QDPR: variants seen among roughly 807,000 people sequenced by gnomAD.
QDPR encodes the protein dihydropteridine reductase.
A neutral mutation model predicts 31.7 loss-of-function variants in QDPR; 23 were observed. The observed-to-expected ratio is 0.73, with a 90% CI of 0.52 to 1.03. QDPR has a LOEUF of 1.03. Ranked by LOEUF, QDPR falls within the 50% of genes least tolerant of loss-of-function variation. The pLI is 0.00. For synonymous variants in QDPR, 124 were observed against 124.7 expected, an observed-to-expected ratio of 0.99 and a Z score of 0.03; for missense variants, 324 against 323.8, an observed-to-expected ratio of 1.00 and a Z score of 0.00.
At chr4:17,501,912 T>C in intron 3 of QDPR, 53 bp from the exon 4 acceptor site, 3 of 1,611,504 alleles carry the variant, frequency 1.9e-6, no homozygotes, top group Non-Finnish European at 2.5e-6. Flanking sequence ...AACCAAAAGG[T>C]GAGCTCAACT....
At chr4:17,507,003 C>G (rs1375279941) in intron 2 of QDPR, among the ~76,000 whole-genome samples, 3 of 152,190 alleles carry the variant, frequency 2.0e-5, no homozygotes, top group Non-Finnish European at 4.4e-5. Flanking sequence ...TATGGTAGAA[C>G]TATAAATGAT....
intron 5 of QDPR, among the ~76,000 whole-genome samples, chr4:17,491,116 ATT>A (rs768953380): frequency 1.3e-5 from 2 of 152,216 alleles, no homozygotes; most frequent in Admixed American, 6.5e-5. Flanking sequence ...ATTTCTAAGG[ATT>A]TAAGATAGTT....
chr4:17,503,740 A>T (rs1475714433), intron 3 of QDPR, among the ~76,000 whole-genome samples: 1 of 152,212 alleles, frequency 6.6e-6, no homozygotes, highest in Non-Finnish European at 1.5e-5. Context: ...ACCTGAGGTC[A>T]GGAGTTCAAG....
intron 2 of QDPR, among the ~76,000 whole-genome samples, chr4:17,504,879 T>C (rs1203449147): frequency 6.6e-6 from 1 of 152,038 alleles, no homozygotes; most frequent in East Asian, 1.9e-4. Flanking sequence ...AGAATTATAA[T>C]CCAAAAAGAA....
chr4:17,490,333 G>A (rs1043729663), intron 6 of QDPR: 4 of 362,386 alleles, frequency 1.1e-5, no homozygotes, highest in Non-Finnish European at 1.6e-5. Flanking sequence ...ACACTATCAC[G>A]TTTAATCCTA....
At chr4:17,500,391 A>G (rs1039772445) in intron 4 of QDPR, among the ~76,000 whole-genome samples, 11 of 152,200 alleles carry the variant, frequency 7.2e-5, no homozygotes, top group Non-Finnish European at 1.0e-4. Flanking sequence ...GGGCTGAAAT[A>G]GATCCCCCCA....
intron 3 of QDPR, among the ~76,000 whole-genome samples, chr4:17,502,375 C>A (rs1251481936): frequency 6.6e-6 from 1 of 152,118 alleles, no homozygotes; most frequent in African/African-American, 2.4e-5. Context: ...TTTAACTCCC[C>A]GGCCTTGCCA....
chr4:17,496,255 GA>G (rs1208393663), intron 4 of QDPR, among the ~76,000 whole-genome samples: 2 of 151,654 alleles, frequency 1.3e-5, no homozygotes, highest in Non-Finnish European at 2.9e-5. Context: ...AGACCAGCCT[GA>G]CCAACGTGGG....
At chr4:17,499,637 G>A (rs1345844003) in intron 4 of QDPR, among the ~76,000 whole-genome samples, 2 of 149,916 alleles carry the variant, frequency 1.3e-5, no homozygotes, top group Admixed American at 6.7e-5. Context: ...AATTGAGAAG[G>A]GGCCTGGCGT....
intron 6 of QDPR, among the ~76,000 whole-genome samples, chr4:17,488,215 C>T (rs4083729): frequency 1.9e-4 from 28 of 151,300 alleles, no homozygotes; most frequent in African/African-American, 6.1e-4. Context: ...AAGCCATGAT[C>T]GTGACACTGC....
intron 4 of QDPR, among the ~76,000 whole-genome samples, chr4:17,496,193 C>T (rs1668874531): frequency 6.6e-6 from 1 of 151,814 alleles, no homozygotes; most frequent in Non-Finnish European, 1.5e-5. Context: ...CGCCTGTAAT[C>T]CCAGCACTTT....
At chr4:17,492,753 G>A (rs1250940482) in intron 4 of QDPR, among the ~76,000 whole-genome samples, 1 of 152,186 alleles carries the variant, frequency 6.6e-6, no homozygotes, top group African/African-American at 2.4e-5. Context: ...AAGCCAGAAG[G>A]TTGATCTTAT....
intron 2 of QDPR, among the ~76,000 whole-genome samples, chr4:17,508,993 C>A (rs1015170862): frequency 6.6e-6 from 1 of 152,034 alleles, no homozygotes; most frequent in Non-Finnish European, 1.5e-5. Flanking sequence ...CCCGTCTCTA[C>A]TGAAAATACA....
chr4:17,507,040 T>C (rs1011288561), intron 2 of QDPR, among the ~76,000 whole-genome samples: 8 of 152,234 alleles, frequency 5.3e-5, no homozygotes, highest in African/African-American at 1.9e-4. Flanking sequence ...CTTATTTGTA[T>C]TTTCTATATC....
At chr4:17,505,734 T>G (rs1718765691) in intron 2 of QDPR, among the ~76,000 whole-genome samples, 1 of 152,170 alleles carries the variant, frequency 6.6e-6, no homozygotes, top group South Asian at 2.1e-4. Flanking sequence ...CCTGTGTCTC[T>G]CCCAGTAGGA....
intron 4 of QDPR, among the ~76,000 whole-genome samples, chr4:17,495,041 T>A (rs1462518841): frequency 6.6e-6 from 1 of 152,170 alleles, no homozygotes; most frequent in Non-Finnish European, 1.5e-5. Flanking sequence ...GTTCTCCCAG[T>A]GACTGCGGCA....
intron 4 of QDPR, among the ~76,000 whole-genome samples, chr4:17,497,151 T>C (rs573134741): frequency 6.6e-5 from 10 of 152,280 alleles, no homozygotes; most frequent in South Asian, 4.2e-4. Flanking sequence ...ATCACTGTAG[T>C]TGGGCCTGGG....
rs1047330877 is a variant in QDPR, at chr4:17,511,999, C to T, written c.56G>A (p.Arg19Lys). The change falls in exon 1 of 7, where the codon AGG becomes AAG. Residue 19 changes from arginine to lysine, a missense_variant. Coordinates refer to ENST00000281243, the MANE Select transcript of QDPR (RefSeq NM_000320.3). ...CACGCATCGAGAACCCAGAGCGCCCCTGCCGCCGTACACCAGCACCCGGCG... is the reference window on the plus strand; with the variant it reads ...CACGCATCGAGAACCCAGAGCGCCCTTGCCGCCGTACACCAGCACCCGGCG... ...EARRVLVYGG[R>K]GALGSRCVQA... 1 of 1,610,380 alleles carries T rather than the reference C, an allele frequency of 6.2e-7. No homozygotes were observed. Among genetic ancestry groups the T allele is most frequent in the African/African-American group, 1.3e-5 (1 of 74,754 alleles).
intron 4 of QDPR, 41 bp from the exon 5 acceptor site, chr4:17,492,381 C>T (rs919489423): frequency 1.3e-6 from 2 of 1,489,240 alleles, no homozygotes; most frequent in Non-Finnish European, 1.9e-6. Context: ...CCACTGGCGG[C>T]CAGGGGGACA....
Sources: allele counts gnomAD v4.1 joint callset (sites outside exome capture counted in the v4.1 genomes callset), GRCh38; gene constraint gnomAD v4.1.1; transcripts MANE v1.5; gene names NCBI Gene and HGNC (gene_info 2026-07-23, HGNC 2026-07-21).